The following RBFOX1 variants were observed in gnomAD, a reference collection of about 807,000 sequenced individuals.
The protein encoded by RBFOX1 is RNA binding protein fox-1 homolog 1.
In RBFOX1, 8 loss-of-function variants were observed where a neutral mutation model predicts 57.7. The observed-to-expected ratio is 0.14, with a 90% CI of 0.08 to 0.25. The LOEUF (loss-of-function observed/expected upper bound fraction) is 0.25, where lower values mean the gene tolerates loss of function less well. Ranked by LOEUF, RBFOX1 falls within the 10% of genes least tolerant of loss-of-function variation. The pLI is 1.00. For synonymous variants in RBFOX1, 326 were observed against 222.4 expected (o/e 1.47, Z -4.15); for missense variants, 611 against 548.5 (o/e 1.11, Z -1.14).
rs1555525482 is a variant in RBFOX1, at chr16:7,165,387, G to GTAATAATAATA, written c.27+113290_27+113300dup. ...TAGAGGCCCAGATCATAACTCTTCT[G>GTAATAATAATA]TAATAATAATAATAATAATAATGAT... On this transcript the variant is annotated intron_variant, in intron 4 of 15. Transcript: ENST00000550418. Among the ~76,000 whole-genome samples, 5 of 141,202 alleles carry GTAATAATAATA rather than the reference G, an allele frequency of 3.5e-5. No homozygotes were observed. The South Asian group carries it at 1.1e-3, about 32-fold the overall frequency. 92.6% of individuals were successfully genotyped at this position (141,202 alleles called of 152,430 possible). A position where few individuals can be genotyped will look rare whatever the true frequency, so the allele number is the denominator to read the frequency against.
intron 3 of RBFOX1, among the ~76,000 whole-genome samples, chr16:6,839,672 TTTTAA>T (rs1225449344): frequency 1.3e-5 from 2 of 152,192 alleles, no homozygotes; most frequent in Non-Finnish European, 1.5e-5. Flanking sequence ...ACTCTCCTAT[TTTTAA>T]TTAAGATGCT....
chr16:5,919,948 C>CTT (rs201024132), intron 4 of RBFOX1, among the ~76,000 whole-genome samples: 5 of 152,012 alleles, frequency 3.3e-5, no homozygotes, highest in Non-Finnish European at 7.4e-5. Context: ...TCAGTACTTC[C>CTT]ATTTTTTTTA....
intron 1 of RBFOX1, among the ~76,000 whole-genome samples, chr16:5,294,339 C>T (rs370696971): frequency 3.3e-5 from 5 of 152,172 alleles, no homozygotes; most frequent in Non-Finnish European, 4.4e-5. Context: ...CTGGGCACTG[C>T]GGTTTTAAAA....
chr16:5,993,739 T>C (rs2060445897), intron 4 of RBFOX1, among the ~76,000 whole-genome samples: 1 of 152,200 alleles, frequency 6.6e-6, no homozygotes. Context: ...GGTGGGATGA[T>C]GTATCGCTGC....
chr16:7,133,899 C>G (rs1039852331), intron 4 of RBFOX1, among the ~76,000 whole-genome samples: 1 of 152,076 alleles, frequency 6.6e-6, no homozygotes, highest in Non-Finnish European at 1.5e-5. Context: ...AACAGAAAAA[C>G]AACATCAGTT....
chr16:6,946,213 G>C (rs927001713), intron 3 of RBFOX1, among the ~76,000 whole-genome samples: 15 of 152,236 alleles, frequency 9.9e-5, no homozygotes, highest in South Asian at 2.1e-4. Flanking sequence ...TTTAGGATTT[G>C]GGTGCCATAT....
intron 4 of RBFOX1, among the ~76,000 whole-genome samples, chr16:7,138,479 G>C (rs1036324456): frequency 5.9e-5 from 9 of 152,188 alleles, no homozygotes; most frequent in African/African-American, 2.2e-4. Flanking sequence ...GGACAAAGAA[G>C]AGAATGAGCA....
At chr16:5,799,526 C>G (rs1314503336) in intron 3 of RBFOX1, among the ~76,000 whole-genome samples, 1 of 152,082 alleles carries the variant, frequency 6.6e-6, no homozygotes, top group Non-Finnish European at 1.5e-5. Context: ...CTTTGAGTAC[C>G]TACACAACCA....
rs115371203 is a variant in RBFOX1, at chr16:5,977,383, A to C, written c.351+110048A>C. Among the ~76,000 whole-genome samples, 836 of 152,276 alleles carry C rather than the reference A, an allele frequency of 5.5e-3. 9 individuals carry two copies. Among genetic ancestry groups the C allele is most frequent in the African/African-American group, 0.018 (760 of 41,556 alleles). ...AGACCGCTCCCTGCCCTCCATGGTC[A>C]CTGTGGGAGCTATGTGTCCCTACGA... On this transcript the variant is annotated intron_variant, in intron 4 of 19. Transcript: ENST00000641259.
intron 2 of RBFOX1, among the ~76,000 whole-genome samples, chr16:5,543,273 C>A (rs924853225): frequency 6.6e-6 from 1 of 151,936 alleles, no homozygotes; most frequent in Admixed American, 6.6e-5. Flanking sequence ...AAAGAAGTAT[C>A]AAAAATGTTA....
chr16:6,752,503 C>G (rs1202157306), intron 3 of RBFOX1, among the ~76,000 whole-genome samples: 3 of 152,202 alleles, frequency 2.0e-5, no homozygotes, highest in Non-Finnish European at 4.4e-5. Context: ...GTGCTGGAAG[C>G]TGTGTTCTTT....
chr16:6,970,611 C>T (rs1187119183), intron 3 of RBFOX1, among the ~76,000 whole-genome samples: 1 of 152,202 alleles, frequency 6.6e-6, no homozygotes, highest in East Asian at 1.9e-4. Context: ...AAAGCACTCC[C>T]TCCTGCCTCT....
intron 4 of RBFOX1, among the ~76,000 whole-genome samples, chr16:5,887,400 T>G (rs191541914): frequency 6.6e-6 from 1 of 152,186 alleles, no homozygotes; most frequent in Admixed American, 6.5e-5. Flanking sequence ...TCTCCTGTGT[T>G]ATTTGTTTGT....
chr16:7,282,690 A>G (rs1464261184), intron 4 of RBFOX1, among the ~76,000 whole-genome samples: 1 of 152,060 alleles, frequency 6.6e-6, no homozygotes, highest in East Asian at 1.9e-4. Flanking sequence ...CCTGAGCAGT[A>G]TACACTGCAC....
At chr16:5,730,857 A>G (rs757601260) in intron 3 of RBFOX1, among the ~76,000 whole-genome samples, 5 of 152,090 alleles carry the variant, frequency 3.3e-5, no homozygotes, top group Admixed American at 1.3e-4. Flanking sequence ...CATTATCACT[A>G]TCATCATTGT....
At chr16:7,536,965 G>A (rs76002062) in intron 5 of RBFOX1, among the ~76,000 whole-genome samples, 17,623 of 152,210 alleles carry the variant, frequency 0.12, 1,222 homozygotes, top group East Asian at 0.34. Flanking sequence ...ACGGGCAGGG[G>A]GATGGTGGCC....
rs192468571 is a variant in RBFOX1, at chr16:6,272,741, A to G, written c.-126-44254A>G. On this transcript the variant is annotated intron_variant, in intron 1 of 15. Coordinates refer to ENST00000550418, the MANE Select transcript of RBFOX1 (RefSeq NM_018723.4). ...CAATGGCAGATGGATAGACACATAGATCCATTTTAAAAAGTGTATAGAACC... is the reference window on the plus strand; with the variant it reads ...CAATGGCAGATGGATAGACACATAGGTCCATTTTAAAAAGTGTATAGAACC... Among the ~76,000 whole-genome samples, 22 of 152,298 alleles carry G rather than the reference A, an allele frequency of 1.4e-4. No homozygotes were observed. In the East Asian group the frequency reaches 3.7e-3, roughly 25 times the overall value.
chr16:6,069,999 A>G (rs1438311339), intron 1 of RBFOX1, among the ~76,000 whole-genome samples: 1 of 152,186 alleles, frequency 6.6e-6, no homozygotes, highest in Non-Finnish European at 1.5e-5. Flanking sequence ...CAAATAAACA[A>G]TCCCCCCAAA....
intron 10 of RBFOX1, among the ~76,000 whole-genome samples, chr16:7,625,406 A>T (rs965489563): frequency 6.6e-6 from 1 of 152,124 alleles, no homozygotes; most frequent in Non-Finnish European, 1.5e-5. Context: ...TAGAACCTTT[A>T]CCCTTACTAT....
Sources: gnomAD v4.1 joint callset for allele counts (sites outside exome capture counted in the v4.1 genomes callset) on GRCh38, gnomAD v4.1.1 for gene constraint, MANE v1.5 for transcripts, NCBI Gene and HGNC (gene_info 2026-07-23, HGNC 2026-07-21) for gene names.